Variants in ANO10 observed in about 807,000 individuals in gnomAD.
ANO10 encodes anoctamin 10.
A neutral mutation model predicts 74.7 loss-of-function variants in ANO10; 77 were observed. The observed-to-expected ratio is 1.03, with a 90% CI of 0.86 to 1.25. ANO10 has a LOEUF of 1.25. ANO10 is among the 50% of genes most tolerant of loss of function. The pLI, the probability that ANO10 is intolerant of heterozygous loss-of-function variation, is 0.00. For synonymous variants in ANO10, 279 were observed against 284.9 expected (o/e 0.98, Z 0.21); for missense variants, 721 against 778.1 (o/e 0.93, Z 0.87).
At chr3:43,526,457 A>G (rs1426884571) in intron 11 of ANO10, among the ~76,000 whole-genome samples, 1 of 152,220 alleles carries the variant, frequency 6.6e-6, no homozygotes, top group Non-Finnish European at 1.5e-5. Context: ...TGACCAGGGA[A>G]ACAACTGCTA....
chr3:43,493,959 C>G (rs1450718310), intron 11 of ANO10, among the ~76,000 whole-genome samples: 1 of 152,132 alleles, frequency 6.6e-6, no homozygotes, highest in Non-Finnish European at 1.5e-5. Context: ...TAGTCTTGAA[C>G]TCCTGGCATT....
rs1185009540 is a variant in ANO10, at chr3:43,557,748, A to AG, written c.1477-2280_1477-2279insC. ...AGACTCTGTCTCAAAAAAAAAAAAA[A>AG]AAAAAAAAGACGTTTTGTTTATGTG... is the stretch of plus-strand genomic sequence containing the variant. On this transcript the variant is annotated intron_variant, in intron 9 of 12. Transcript: ENST00000292246. Among the ~76,000 whole-genome samples the AG allele has an allele frequency of 2.0e-3, 305 of 151,426 alleles. 2 individuals carry two copies. Among genetic ancestry groups the AG allele is most frequent in the Admixed American group, 3.5e-3 (53 of 15,194 alleles).
At chr3:43,623,118 G>C (rs556300409), upstream of ANO10, among the ~76,000 whole-genome samples, 3 of 152,046 alleles carry the variant, frequency 2.0e-5, no homozygotes, top group Non-Finnish European at 4.4e-5. Context: ...CGCCTGCCTC[G>C]GTTTCCCAAA....
At chr3:43,367,764 C>T (rs551183565) in intron 12 of ANO10, among the ~76,000 whole-genome samples, 1 of 151,654 alleles carries the variant, frequency 6.6e-6, no homozygotes, top group East Asian at 1.9e-4. Context: ...GAAAACACCA[C>T]TACAGCTCTG....
chr3:43,426,814 T>C (rs2092906539), intron 12 of ANO10, among the ~76,000 whole-genome samples: 1 of 152,236 alleles, frequency 6.6e-6, no homozygotes, highest in Admixed American at 6.5e-5. Context: ...CATTTGAAAA[T>C]GCCCTATGCA....
intron 1 of ANO10, among the ~76,000 whole-genome samples, chr3:43,679,784 G>A (rs1396554423): frequency 6.6e-6 from 1 of 152,184 alleles, no homozygotes; most frequent in Non-Finnish European, 1.5e-5. Context: ...CTGTTCACCA[G>A]TATCTGCTGT....
At chr3:43,386,142 A>G (rs1331194388) in intron 12 of ANO10, among the ~76,000 whole-genome samples, 2 of 152,116 alleles carry the variant, frequency 1.3e-5, no homozygotes, top group Non-Finnish European at 2.9e-5. Context: ...GGAAGTTGTG[A>G]TTTCAAGGAT....
intron 7 of ANO10, among the ~76,000 whole-genome samples, chr3:43,572,820 GTC>G (rs371002925): frequency 6.6e-6 from 1 of 152,126 alleles, no homozygotes; most frequent in African/African-American, 2.4e-5. Context: ...GAGATGGGGA[GTC>G]ATTCTAGAAA....
intron 11 of ANO10, among the ~76,000 whole-genome samples, chr3:43,457,369 G>C (rs2075175051): frequency 6.6e-6 from 1 of 152,238 alleles, no homozygotes; most frequent in African/African-American, 2.4e-5. Context: ...TCACAGTTCT[G>C]CATGGCTGGG....
chr3:43,430,921 C>T (rs2092970561), intron 12 of ANO10, among the ~76,000 whole-genome samples: 1 of 151,934 alleles, frequency 6.6e-6, no homozygotes, highest in African/African-American at 2.4e-5. Flanking sequence ...TTGGTTTCTT[C>T]TGTAAATGTG....
chr3:43,606,035 A>G (rs1320798363), intron 1 of ANO10, among the ~76,000 whole-genome samples, 172 bp from the exon 2 acceptor site: 4 of 152,216 alleles, frequency 2.6e-5, no homozygotes, highest in Non-Finnish European at 1.5e-5. Context: ...TTCAAAGTAC[A>G]TGTGTGAGCC....
At chr3:43,689,848 G>C (rs1208698639) in intron 1 of ANO10, among the ~76,000 whole-genome samples, 2 of 152,110 alleles carry the variant, frequency 1.3e-5, no homozygotes, top group Non-Finnish European at 2.9e-5. Context: ...TATCAAAACA[G>C]GAGCAGTATT....
intron 4 of ANO10, among the ~76,000 whole-genome samples, chr3:43,593,359 G>A (rs1032174810): frequency 1.3e-5 from 2 of 152,212 alleles, no homozygotes; most frequent in African/African-American, 4.8e-5. Flanking sequence ...TAGACAGAGA[G>A]AAAGGTCGGG....
chr3:43,652,046 A>G (rs1035135975), intron 1 of ANO10, among the ~76,000 whole-genome samples: 2 of 151,998 alleles, frequency 1.3e-5, no homozygotes, highest in Non-Finnish European at 2.9e-5. Flanking sequence ...AGAGGATTTA[A>G]TATTGTCAAG....
At chr3:43,596,588 C>G (rs1487671156) in intron 4 of ANO10, among the ~76,000 whole-genome samples, 1 of 152,182 alleles carries the variant, frequency 6.6e-6, no homozygotes, top group Non-Finnish European at 1.5e-5. Flanking sequence ...GTACCCCTTC[C>G]TTACACCTTA....
chr3:43,426,444 C>T (rs2092901339), intron 12 of ANO10, among the ~76,000 whole-genome samples: 1 of 152,184 alleles, frequency 6.6e-6, no homozygotes, highest in Admixed American at 6.5e-5. Flanking sequence ...ATTTGAGGCC[C>T]CTGAGAGCTA....
At chr3:43,504,293 T>TAGGC (rs2077205083) in intron 11 of ANO10, among the ~76,000 whole-genome samples, 1 of 132,528 alleles carries the variant, frequency 7.5e-6, no homozygotes, top group Non-Finnish European at 1.7e-5. Flanking sequence ...GGTAGGTAGG[T>TAGGC]AGGTAGGTAG....
intron 11 of ANO10, among the ~76,000 whole-genome samples, chr3:43,489,075 A>C (rs2076614903): frequency 6.6e-6 from 1 of 151,174 alleles, no homozygotes; most frequent in African/African-American, 2.4e-5. Context: ...CAAGAACAAA[A>C]AACCAAACAC....
chr3:43,649,800 C>T (rs2083767863), intron 1 of ANO10, among the ~76,000 whole-genome samples: 2 of 152,190 alleles, frequency 1.3e-5, no homozygotes, highest in African/African-American at 4.8e-5. Context: ...CCTTGCAGGA[C>T]GTGCGACAGG....
Sources: gnomAD v4.1 joint callset for allele counts (sites outside exome capture counted in the v4.1 genomes callset) on GRCh38, gnomAD v4.1.1 for gene constraint, MANE v1.5 for transcripts, NCBI Gene and HGNC (gene_info 2026-07-23, HGNC 2026-07-21) for gene names.